The following CBR4 variants were observed in gnomAD, a reference collection of about 807,000 sequenced individuals.
CBR4 encodes carbonyl reductase 4.
A neutral mutation model predicts 21.0 loss-of-function variants in CBR4; 22 were observed. The ratio of observed to expected loss-of-function variants is 1.05; its 90% confidence interval spans 0.75 to 1.50. The LOEUF is 1.50. Ranked by LOEUF, CBR4 falls within the 40% of genes most tolerant of loss-of-function variation. The probability of loss-of-function intolerance (pLI) is 0.00; values close to 1 mark genes in which losing one functional copy is unlikely to be tolerated. For synonymous variants in CBR4, 100 were observed against 104.4 expected (o/e 0.96, Z 0.26); for missense variants, 302 against 286.3 (o/e 1.05, Z -0.40).
chr4:168,900,008 C>T (rs1312123486), intron 2 of CBR4, among the ~76,000 whole-genome samples: 1 of 152,142 alleles, frequency 6.6e-6, no homozygotes, highest in South Asian at 2.1e-4. Flanking sequence ...TCTCCTGGTG[C>T]GGCCTCAGGA....
rs190818949 is a variant in CBR4, at chr4:168,976,961, T to G, written n.169+25110A>C. ...TCAGAGGCCTGACACATTTCCCCAG[T>G]GGGTATGTGTGTTCGGAAGCCAACT... On this transcript the variant is annotated intron_variant and non_coding_transcript_variant, in intron 2 of 3. Transcript: ENST00000509108. Among the ~76,000 whole-genome samples the G allele has an allele frequency of 4.8e-3, 738 of 152,326 alleles. 7 individuals are homozygous for G. The highest frequency in any genetic ancestry group is 5.5e-3 in the Admixed American group (84 of 15,302).
At chr4:168,938,624 G>A (rs1763176695) in intron 2 of CBR4, among the ~76,000 whole-genome samples, 1 of 151,962 alleles carries the variant, frequency 6.6e-6, no homozygotes, top group African/African-American at 2.4e-5. Flanking sequence ...ATGACACAGG[G>A]GATATCACCA....
At chr4:169,003,852 A>T (rs1290274872) in intron 3 of CBR4, among the ~76,000 whole-genome samples, 2 of 152,182 alleles carry the variant, frequency 1.3e-5, no homozygotes, top group Non-Finnish European at 2.9e-5. Flanking sequence ...AGGACAAAAA[A>T]CCAAACACCG....
intron 4 of CBR4, among the ~76,000 whole-genome samples, chr4:168,998,662 T>C (rs964235262): frequency 6.6e-6 from 1 of 152,142 alleles, no homozygotes; most frequent in Non-Finnish European, 1.5e-5. Flanking sequence ...TTGTAAACTT[T>C]AAATGGGTGA....
At chr4:168,935,239 C>T (rs976829022) in intron 2 of CBR4, among the ~76,000 whole-genome samples, 5 of 152,190 alleles carry the variant, frequency 3.3e-5, no homozygotes, top group Admixed American at 2.6e-4. Flanking sequence ...ACGGTGCATT[C>T]CAGGCCAGAT....
rs373131673 is a variant in CBR4 at position 168,950,567 on chromosome 4, G to A, written n.169+51504C>T. Among the ~76,000 whole-genome samples, 12 of 152,098 alleles carry A rather than the reference G, an allele frequency of 7.9e-5. No individual in the cohort carries two copies. The East Asian group carries it at 1.3e-3, about 17-fold the overall frequency. On this transcript the variant is annotated intron_variant and non_coding_transcript_variant, in intron 2 of 3. Coordinates refer to the CBR4 transcript ENST00000509108. The stretch of plus-strand genomic sequence containing the variant: ...GCACTGCTGAATGGAAAGTGTCTCC[G>A]ATTGTTGGATGAAATGTTCTGTATA...
intron 2 of CBR4, among the ~76,000 whole-genome samples, chr4:168,956,157 A>T (rs1763678988): frequency 6.6e-6 from 1 of 152,198 alleles, no homozygotes; most frequent in Non-Finnish European, 1.5e-5. Context: ...GATCAAAATG[A>T]ATAAATTTGA....
chr4:168,934,980 CA>C (rs1763068047), intron 2 of CBR4, among the ~76,000 whole-genome samples: 1 of 152,170 alleles, frequency 6.6e-6, no homozygotes, highest in South Asian at 2.1e-4. Context: ...AAAGATCATA[CA>C]CCGAAGATGG....
intron 2 of CBR4, among the ~76,000 whole-genome samples, chr4:168,917,900 CG>C (rs1760531892): frequency 6.6e-6 from 1 of 151,760 alleles, no homozygotes; most frequent in African/African-American, 2.4e-5. Context: ...CTTATATATC[CG>C]AGGAAAATGA....
chr4:168,915,748 G>A, intron 2 of CBR4: 1 of 643,118 alleles, frequency 1.6e-6, no homozygotes, highest in South Asian at 2.0e-5. Context: ...TTGCTTTTCT[G>A]ATTTTTTAAT....
rs1764827735 is a variant in CBR4, at chr4:168,989,944, ACT to A, written c.*204_*205del. 8.2e-7 allele frequency: 1 copy of A among 1,216,556 alleles called. No individual in the cohort carries two copies. The highest frequency in any genetic ancestry group is 1.6e-5 in the African/African-American group (1 of 63,562). 75.4% of individuals were successfully genotyped at this position (1,216,556 alleles called of 1,614,324 possible). On this transcript the variant is annotated 3_prime_UTR_variant, in exon 5 of 5. Coordinates refer to ENST00000306193, the MANE Select transcript of CBR4 (RefSeq NM_032783.5). ...ATGAAGGCTTTTTAAACAAAACAAC[ACT>A]GATGTAACTTAGACCAAAAAAAAAA...
At position 168,949,511 on chromosome 4, in the gene CBR4, A is replaced by G. The variant is rs557225254; in HGVS notation, n.169+52560T>C. 5.9e-5 allele frequency among the ~76,000 whole-genome samples: 9 copies of G among 152,260 alleles called. No individual in the cohort carries two copies. The South Asian group carries it at 1.9e-3, about 32-fold the overall frequency. The stretch of plus-strand genomic sequence containing the variant: ...TATGTTGGCTGTGGGTTTGTCACAG[A>G]TGGCTTTCATTACATTGAGGTATTG... On this transcript the variant is annotated intron_variant and non_coding_transcript_variant, in intron 2 of 3. Coordinates refer to the CBR4 transcript ENST00000509108.
At position 169,006,894 on chromosome 4, in the gene CBR4, A is replaced by G; in HGVS notation, c.264-3T>C. 6.2e-7 allele frequency: 1 copy of G among 1,607,982 alleles called. No individual in the cohort carries two copies. Among genetic ancestry groups the G allele is most frequent in the Non-Finnish European group, 8.5e-7 (1 of 1,174,662 alleles). On this transcript the variant is annotated splice_region_variant and splice_polypyrimidine_tract_variant and intron_variant, in intron 2 of 4. Transcript: ENST00000306193. ...TTGTTCTTACTAAAAGACCATCCCT[A>G]CAAAAAGAAACAGCATATAATAGCA...
intron 2 of CBR4, among the ~76,000 whole-genome samples, chr4:168,963,144 G>A (rs568886905): frequency 2.0e-5 from 3 of 152,316 alleles, no homozygotes; most frequent in African/African-American, 7.2e-5. Context: ...AAAGGACTGA[G>A]GAAGCACTCA....
intron 2 of CBR4, chr4:168,925,488 G>A: frequency 1.8e-6 from 1 of 568,174 alleles, no homozygotes; most frequent in Non-Finnish European, 3.2e-6. Context: ...GTGTCCTAAT[G>A]CACTCTAAAC....
At position 168,903,791 on chromosome 4, in the gene CBR4, C is replaced by T. The variant is rs1464837952; in HGVS notation, n.170-9026G>A. On this transcript the variant is annotated intron_variant and non_coding_transcript_variant, in intron 2 of 3. Coordinates refer to the CBR4 transcript ENST00000509108. ...TTTAAAGATGGGAAGCAGATCTCTC[C>T]AAAGAGTGATCACTACACCATTCAA... is the stretch of plus-strand genomic sequence containing the variant. The T allele has an allele frequency of 1.2e-6, 2 of 1,610,984 alleles. No individual in the cohort carries two copies. Among genetic ancestry groups the T allele is most frequent in the Non-Finnish European group, 8.5e-7 (1 of 1,177,394 alleles).
At chr4:168,928,898 T>TAA (rs1762865580) in intron 2 of CBR4, among the ~76,000 whole-genome samples, 1 of 152,230 alleles carries the variant, frequency 6.6e-6, no homozygotes, top group Non-Finnish European at 1.5e-5. Context: ...CTCCCTTTCT[T>TAA]AAAGTCACCT....
chr4:168,934,708 C>A (rs1408021485), intron 2 of CBR4, among the ~76,000 whole-genome samples: 1 of 151,854 alleles, frequency 6.6e-6, no homozygotes, highest in Non-Finnish European at 1.5e-5. Context: ...AAGGAAAAAA[C>A]CAGGACTGGA....
chr4:168,934,590 G>T (rs1361630255), intron 2 of CBR4, among the ~76,000 whole-genome samples: 1 of 151,832 alleles, frequency 6.6e-6, no homozygotes, highest in Admixed American at 6.6e-5. Flanking sequence ...TAGAGGAAAT[G>T]GATAAATTCC....
Sources: gnomAD v4.1 joint callset for allele counts (sites outside exome capture counted in the v4.1 genomes callset) on GRCh38, gnomAD v4.1.1 for gene constraint, MANE v1.5 for transcripts, NCBI Gene and HGNC (gene_info 2026-07-23, HGNC 2026-07-21) for gene names.